The following ABLIM1 variants were observed in gnomAD, a reference collection of about 807,000 sequenced individuals.
ABLIM1 encodes actin-binding LIM protein 1.
Under a neutral mutation model 107.0 loss-of-function variants are expected in ABLIM1, and 40 were observed. The observed-to-expected ratio is 0.37, with a 90% CI of 0.29 to 0.49. The LOEUF (loss-of-function observed/expected upper bound fraction) is 0.49, where lower values mean the gene tolerates loss of function less well. Ranked by LOEUF, ABLIM1 falls within the 20% of genes least tolerant of loss-of-function variation. ABLIM1 has a pLI of 0.97. For missense variants in ABLIM1, 857 were observed against 1,008.5 expected (o/e 0.85, Z 2.04); for synonymous variants, 357 against 357.3 (o/e 1.00, Z 0.01).
chr10:114,671,569 T>C (rs1445677273), intron 1 of ABLIM1, among the ~76,000 whole-genome samples: 1 of 152,248 alleles, frequency 6.6e-6, no homozygotes, highest in Non-Finnish European at 1.5e-5. Flanking sequence ...TTGTTCAGTT[T>C]ATACTCCCAC....
chr10:114,450,592 C>T (rs145152582), intron 14 of ABLIM1, among the ~76,000 whole-genome samples: 135 of 151,302 alleles, frequency 8.9e-4, no homozygotes, highest in African/African-American at 3.1e-3. Flanking sequence ...TGCGCCACCA[C>T]GCCCAGCTAA....
At chr10:114,547,467 A>G in intron 5 of ABLIM1, 183 bp downstream of exon 5, 1 of 740,512 alleles carries the variant, frequency 1.4e-6, no homozygotes, top group Non-Finnish European at 2.1e-6. Context: ...TTAGGTTTAT[A>G]GTAGCCAAGG....
At chr10:114,799,058 A>G in the ABLIM1 span, among the ~76,000 whole-genome samples, 1 of 152,188 alleles carries the variant, frequency 6.6e-6, no homozygotes. Flanking sequence ...TCAGCCTCCC[A>G]AAGTGTTGGG....
intron 1 of ABLIM1, among the ~76,000 whole-genome samples, chr10:114,699,858 C>A (rs1566251852): frequency 6.6e-6 from 1 of 152,156 alleles, no homozygotes. Context: ...TGTTGTATAT[C>A]TTGACTGAAT....
At chr10:114,738,045 A>G (rs1045319147) in intron 1 of ABLIM1, among the ~76,000 whole-genome samples, 1 of 145,072 alleles carries the variant, frequency 6.9e-6, no homozygotes, top group Non-Finnish European at 1.5e-5. Context: ...TATATAAATT[A>G]TTATTATTAT....
At chr10:114,704,475 G>A (rs995633487) in intron 1 of ABLIM1, among the ~76,000 whole-genome samples, 2 of 151,490 alleles carry the variant, frequency 1.3e-5, no homozygotes, top group African/African-American at 4.9e-5. Flanking sequence ...TGCTTTGGCC[G>A]GCTACTAAGC....
At chr10:114,669,934 C>T (rs77885891) in intron 1 of ABLIM1, among the ~76,000 whole-genome samples, 4,327 of 152,100 alleles carry the variant, frequency 0.028, 197 homozygotes, top group African/African-American at 0.092. Flanking sequence ...AAAAGGCAGC[C>T]TCAAAATAGA....
At chr10:114,601,044 C>T (rs907795324) in intron 2 of ABLIM1, among the ~76,000 whole-genome samples, 1 of 139,902 alleles carries the variant, frequency 7.1e-6, no homozygotes, top group Non-Finnish European at 1.5e-5. Context: ...ATTCTCACAT[C>T]TCAATACACA....
chr10:114,768,348 C>T (rs536535265), upstream of ABLIM1, among the ~76,000 whole-genome samples: 694 of 149,262 alleles, frequency 4.6e-3, 9 homozygotes, highest in African/African-American at 0.016. Flanking sequence ...GGGGCCCACC[C>T]GGGTCCAGCA....
At chr10:114,464,105 C>G (rs1042662222) in intron 12 of ABLIM1, among the ~76,000 whole-genome samples, 8 of 152,214 alleles carry the variant, frequency 5.3e-5, no homozygotes, top group African/African-American at 1.9e-4. Flanking sequence ...CCCTATAACC[C>G]CACGCCGCTC....
intron 1 of ABLIM1, among the ~76,000 whole-genome samples, chr10:114,641,537 G>T (rs898914554): frequency 6.6e-6 from 1 of 152,158 alleles, no homozygotes; most frequent in South Asian, 2.1e-4. Context: ...ATTAGAAAGC[G>T]GTAAGTACTA....
chr10:114,677,646 G>A (rs1376330714), intron 1 of ABLIM1, among the ~76,000 whole-genome samples: 1 of 152,302 alleles, frequency 6.6e-6, no homozygotes, highest in African/African-American at 2.4e-5. Flanking sequence ...GTGGTGGCAT[G>A]CGCCTGTAAT....
At chr10:114,684,488 G>GGGGTGTGCCACCGGT in exon 1 of ABLIM1, 1 of 1,446,238 alleles carries the variant, frequency 6.9e-7, no homozygotes, top group Non-Finnish European at 9.1e-7. Flanking sequence ...ACCCGAGGGA[G>GGGGTGTGCCACCGGT]GGGTGTGCCA....
chr10:114,784,055 AG>A, the ABLIM1 span, among the ~76,000 whole-genome samples: 1 of 152,160 alleles, frequency 6.6e-6, no homozygotes, highest in African/African-American at 2.4e-5. Context: ...ACTTTTCTAA[AG>A]AAACGGATGG....
the ABLIM1 span, among the ~76,000 whole-genome samples, chr10:114,798,561 C>CCCA: frequency 1.4e-4 from 20 of 143,432 alleles, 1 homozygote; most frequent in South Asian, 1.1e-3. Flanking sequence ...ATGAGACCCC[C>CCCA]CCCCCATGTC....
chr10:114,753,405 T>C (rs770376789), intron 1 of ABLIM1, among the ~76,000 whole-genome samples: 8 of 152,156 alleles, frequency 5.3e-5, no homozygotes, highest in Non-Finnish European at 8.8e-5. Context: ...TCAAGATATA[T>C]ACACAAAGAC....
intron 4 of ABLIM1, among the ~76,000 whole-genome samples, chr10:114,568,062 C>T (rs1362224004): frequency 2.6e-5 from 4 of 151,406 alleles, no homozygotes; most frequent in South Asian, 2.1e-4. Flanking sequence ...CGGTGGCAGG[C>T]GCCTGTAGTC....
At chr10:114,762,655 C>T (rs2082775034) in intron 1 of ABLIM1, among the ~76,000 whole-genome samples, 1 of 152,226 alleles carries the variant, frequency 6.6e-6, no homozygotes, top group Admixed American at 6.5e-5. Context: ...GAGGTAGCCA[C>T]TGCTAAATGC....
chr10:114,733,396 T>C (rs1255816692), intron 1 of ABLIM1, among the ~76,000 whole-genome samples: 1 of 152,230 alleles, frequency 6.6e-6, no homozygotes, highest in Non-Finnish European at 1.5e-5. Context: ...TGAGCATATG[T>C]AATTCAGCTA....
Sources: gnomAD v4.1 joint callset for allele counts (sites outside exome capture counted in the v4.1 genomes callset) on GRCh38, gnomAD v4.1.1 for gene constraint, MANE v1.5 for transcripts, NCBI Gene and HGNC (gene_info 2026-07-23, HGNC 2026-07-21) for gene names.